Variants in RAP1GAP2 observed in about 807,000 individuals in gnomAD.
RAP1GAP2 encodes the protein RAP1 GTPase activating protein 2.
In RAP1GAP2, 27 loss-of-function variants were observed where a neutral mutation model predicts 95.0. The observed-to-expected ratio is 0.28, with a 90% confidence interval of 0.21 to 0.39. The LOEUF is 0.39. RAP1GAP2 is among the 10% of genes least tolerant of loss of function. The pLI is 1.00. For missense variants in RAP1GAP2, 771 were observed against 970.0 expected, an observed-to-expected ratio of 0.79 and a Z score of 2.72; for synonymous variants, 373 against 380.9, an observed-to-expected ratio of 0.98 and a Z score of 0.24.
At chr17:2,958,533 C>T (rs914345598) in intron 4 of RAP1GAP2, among the ~76,000 whole-genome samples, 14 of 152,152 alleles carry the variant, frequency 9.2e-5, no homozygotes, top group African/African-American at 3.1e-4. Context: ...CAGAGATTGA[C>T]AGGCGTCATT....
intron 11 of RAP1GAP2, among the ~76,000 whole-genome samples, chr17:2,985,653 T>C (rs1317157927): frequency 6.6e-6 from 1 of 152,222 alleles, no homozygotes; most frequent in African/African-American, 2.4e-5. Context: ...CTCTGTGTTT[T>C]GTAGCCCTCA....
chr17:2,889,892 T>C (rs868030582), intron 2 of RAP1GAP2, among the ~76,000 whole-genome samples: 1 of 125,474 alleles, frequency 8.0e-6, no homozygotes, highest in South Asian at 2.5e-4. Flanking sequence ...TATATATATT[T>C]TTTTTTTTTT....
In RAP1GAP2 at chr17:2,798,396, T is replaced by C. The variant is rs1438628761; in HGVS notation, c.44+1825T>C. On this transcript the variant is annotated intron_variant, in intron 1 of 24. Transcript: ENST00000254695. The stretch of plus-strand genomic sequence containing the variant: ...TCTTTTGCACACAGCAGGTGTCTGC[T>C]TGGGGCCCCTTGAGGTTGACGGGAT... Among the ~76,000 whole-genome samples the C allele has an allele frequency of 2.6e-5, 4 of 152,116 alleles. No homozygotes were observed. The East Asian group carries it at 7.7e-4, about 29-fold the overall frequency.
intron 2 of RAP1GAP2, among the ~76,000 whole-genome samples, chr17:2,901,579 C>T (rs1438283626): frequency 1.3e-5 from 2 of 152,212 alleles, no homozygotes; most frequent in Non-Finnish European, 2.9e-5. Context: ...AAGTTGTCAC[C>T]TCGGCTAAGG....
chr17:2,809,468 C>T (rs1410606828), intron 2 of RAP1GAP2, among the ~76,000 whole-genome samples: 1 of 152,170 alleles, frequency 6.6e-6, no homozygotes, highest in Non-Finnish European at 1.5e-5. Flanking sequence ...GACCGGGTGG[C>T]CTGTGGCCCG....
At chr17:2,823,370 C>T (rs970402058) in intron 2 of RAP1GAP2, among the ~76,000 whole-genome samples, 4 of 152,110 alleles carry the variant, frequency 2.6e-5, no homozygotes, top group South Asian at 4.1e-4. Context: ...AATGTCTGCA[C>T]GACATACGCC....
intron 12 of RAP1GAP2, among the ~76,000 whole-genome samples, chr17:2,995,002 C>T (rs1362999137): frequency 2.6e-5 from 4 of 152,070 alleles, no homozygotes; most frequent in Non-Finnish European, 5.9e-5. Context: ...TTAGTAGAGA[C>T]GGGGGTTTCA....
intron 2 of RAP1GAP2, among the ~76,000 whole-genome samples, chr17:2,815,481 T>C (rs2069969999): frequency 6.7e-6 from 1 of 148,822 alleles, no homozygotes; most frequent in South Asian, 2.1e-4. Context: ...TTATTATTAT[T>C]ATTATTATTA....
rs374789936 is a variant in RAP1GAP2, at chr17:2,897,414, CT to C, written c.81-7860del. On this transcript the variant is annotated intron_variant, in intron 2 of 24. Transcript: ENST00000254695. ...CTTCCTGACACGTTCCTCCTGGAGA[CT>C]TTTTTTTTTCTTTGAGATGGAATCT... 9.1e-3 allele frequency among the ~76,000 whole-genome samples: 1,357 copies of C among 149,822 alleles called. 13 individuals carry two copies. Among genetic ancestry groups the C allele is most frequent in the African/African-American group, 0.02 (840 of 40,982 alleles).
chr17:2,888,817 ATTT>A (rs58533003), intron 2 of RAP1GAP2, among the ~76,000 whole-genome samples: 10 of 130,474 alleles, frequency 7.7e-5, no homozygotes, highest in Non-Finnish European at 9.8e-5. Context: ...CGCCCAGCTA[ATTT>A]TTTTTTTTTT....
At chr17:2,805,070 G>A (rs2069457471) in intron 2 of RAP1GAP2, among the ~76,000 whole-genome samples, 1 of 152,162 alleles carries the variant, frequency 6.6e-6, no homozygotes, top group Non-Finnish European at 1.5e-5. Flanking sequence ...TTACATCCCT[G>A]ACTCCTTAGG....
At chr17:2,833,476 G>C (rs1351457086) in intron 2 of RAP1GAP2, among the ~76,000 whole-genome samples, 3 of 151,884 alleles carry the variant, frequency 2.0e-5, no homozygotes, top group Non-Finnish European at 4.4e-5. Flanking sequence ...AAGTGCCGAG[G>C]TCAGGAGATC....
At position 3,005,386 on chromosome 17, in the gene RAP1GAP2, G is replaced by A; in HGVS notation, c.1218G>A (p.Arg406=). The change falls in exon 15 of 25, where the codon CGG becomes CGA. Residue 406 remains arginine (R), a synonymous_variant. Coordinates refer to ENST00000254695, the MANE Select transcript of RAP1GAP2 (RefSeq NM_015085.5). This position sits in a 1 kb window ranked among gnomAD's most constrained non-coding sequence, Gnocchi z 5.2. ...TCACTCAGGTCTCTGTCACTGCGCG[G>A]GAAGATGTGCCCACCTTTGGTCCAC... is the stretch of plus-strand genomic sequence containing the variant. ...TPSYKVSVTA[R]EDVPTFGPPL... 3 of 1,613,884 alleles carry A rather than the reference G, an allele frequency of 1.9e-6. No homozygotes were observed. The highest frequency in any genetic ancestry group is 2.5e-6 in the Non-Finnish European group (3 of 1,179,812).
chr17:2,836,699 G>A (rs1036765156), intron 2 of RAP1GAP2, among the ~76,000 whole-genome samples: 2 of 152,026 alleles, frequency 1.3e-5, no homozygotes, highest in Non-Finnish European at 2.9e-5. Context: ...GATCCAGGTG[G>A]GTGAGACAGC....
At chr17:2,905,459 T>G in intron 3 of RAP1GAP2, 91 bp downstream of exon 3, 1 of 1,277,980 alleles carries the variant, frequency 7.8e-7, no homozygotes, top group Non-Finnish European at 1.1e-6. Flanking sequence ...CCCAGCAGCG[T>G]CCGTCGCAGT....
chr17:2,986,905 T>G (rs556181444), intron 11 of RAP1GAP2, among the ~76,000 whole-genome samples: 1 of 152,316 alleles, frequency 6.6e-6, no homozygotes, highest in East Asian at 1.9e-4. Flanking sequence ...CAGTCTGGCC[T>G]CATGACCTGG....
intron 2 of RAP1GAP2, among the ~76,000 whole-genome samples, chr17:2,816,170 G>A (rs991954756): frequency 2.0e-5 from 3 of 151,970 alleles, no homozygotes; most frequent in African/African-American, 7.3e-5. Flanking sequence ...CCGGCTCCGG[G>A]GGCATCCTGC....
chr17:2,880,452 C>T (rs945106374), intron 2 of RAP1GAP2, among the ~76,000 whole-genome samples: 17 of 137,916 alleles, frequency 1.2e-4, no homozygotes, highest in African/African-American at 2.9e-4. Flanking sequence ...TCACCTTCTT[C>T]TTTTTTTTTT....
At chr17:3,025,172 T>A (rs1442301844) in intron 19 of RAP1GAP2, among the ~76,000 whole-genome samples, 1 of 151,914 alleles carries the variant, frequency 6.6e-6, no homozygotes, top group Non-Finnish European at 1.5e-5. Flanking sequence ...AGGTCAGGAG[T>A]TCGAGACCAG....
Sources: gnomAD v4.1 joint callset for allele counts (sites outside exome capture counted in the v4.1 genomes callset) on GRCh38, gnomAD v4.1.1 for gene constraint, Gnocchi (gnomAD v3.1) non-coding constraint, MANE v1.5 for transcripts, NCBI Gene and HGNC (gene_info 2026-07-23, HGNC 2026-07-21) for gene names.